The following EXOC4 variants were observed in gnomAD, a reference collection of about 807,000 sequenced individuals.
The protein encoded by EXOC4 is exocyst complex component 4, also known as SEC8-like 1.
EXOC4 carries 71 observed loss-of-function variants against 107.2 expected under a neutral mutation model. The ratio of observed to expected loss-of-function variants is 0.66; its 90% CI spans 0.55 to 0.81. EXOC4 has a LOEUF of 0.81. Ranked by LOEUF, EXOC4 falls within the 30% of genes least tolerant of loss-of-function variation. The pLI is 0.00. For synonymous variants in EXOC4, 456 were observed against 441.2 expected, an observed-to-expected ratio of 1.03 and a Z score of -0.42; for missense variants, 1,108 against 1,189.6, an observed-to-expected ratio of 0.93 and a Z score of 1.01.
intron 10 of EXOC4, among the ~76,000 whole-genome samples, chr7:133,635,330 G>C (rs1038200699): frequency 6.6e-6 from 1 of 152,104 alleles, no homozygotes; most frequent in Non-Finnish European, 1.5e-5. Context: ...TGTGGGATTT[G>C]TGGGGAGAAG....
chr7:133,253,192 G>C lies in EXOC4; in HGVS notation c.86+5G>C. ...GCTGCTCATCTCTGTGATCAGGTGA[G>C]GGAGGCAGGAGGCAGGGTCTGGGGA... is the stretch of plus-strand genomic sequence containing the variant. On this transcript the variant is annotated splice_donor_5th_base_variant and intron_variant, in intron 1 of 17. Coordinates refer to ENST00000253861, the MANE Select transcript of EXOC4 (RefSeq NM_021807.4). 1 of 1,613,768 alleles carries C rather than the reference G, an allele frequency of 6.2e-7. No individual in the cohort carries two copies. The highest frequency in any genetic ancestry group is 8.5e-7 in the Non-Finnish European group (1 of 1,179,742).
chr7:133,975,025 C>CT (rs3049805), intron 14 of EXOC4, among the ~76,000 whole-genome samples: 81,833 of 150,034 alleles, frequency 0.55, 23,527 homozygotes, highest in East Asian at 0.83. Context: ...ATTCCTATAC[C>CT]TTTTTTTTTT....
At chr7:133,370,072 G>A (rs563113761) in intron 6 of EXOC4, among the ~76,000 whole-genome samples, 10 of 151,888 alleles carry the variant, frequency 6.6e-5, no homozygotes, top group African/African-American at 1.9e-4. Flanking sequence ...GATTACAGGC[G>A]TGAGCCACTG....
At chr7:133,681,203 ATTGT>A (rs1220411356) in intron 10 of EXOC4, among the ~76,000 whole-genome samples, 1 of 152,218 alleles carries the variant, frequency 6.6e-6, no homozygotes, top group African/African-American at 2.4e-5. Flanking sequence ...GAAAAAAAGA[ATTGT>A]TTGTGCTGTT....
At chr7:133,991,627 A>G (rs1794262969) in intron 14 of EXOC4, among the ~76,000 whole-genome samples, 1 of 152,134 alleles carries the variant, frequency 6.6e-6, no homozygotes, top group South Asian at 2.1e-4. Flanking sequence ...TGACTTTTTT[A>G]ATAAGTTAAA....
chr7:133,816,064 A>T (rs1382811919), intron 10 of EXOC4, among the ~76,000 whole-genome samples: 2 of 152,198 alleles, frequency 1.3e-5, no homozygotes, highest in Non-Finnish European at 2.9e-5. Flanking sequence ...GCTAATAGAC[A>T]TTGGAAGAAG....
intron 9 of EXOC4, among the ~76,000 whole-genome samples, chr7:133,587,960 C>CA (rs1801445936): frequency 6.7e-6 from 1 of 149,906 alleles, no homozygotes; most frequent in East Asian, 1.9e-4. Context: ...AATTTCATCA[C>CA]AAAAAACATG....
chr7:133,299,440 A>G (rs1414590758), intron 3 of EXOC4, among the ~76,000 whole-genome samples: 2 of 152,194 alleles, frequency 1.3e-5, no homozygotes, highest in Admixed American at 6.5e-5. Context: ...TTAATAAAAT[A>G]TGGGAATTAT....
intron 9 of EXOC4, among the ~76,000 whole-genome samples, chr7:133,505,310 C>G (rs1231512527): frequency 6.6e-6 from 1 of 151,986 alleles, no homozygotes; most frequent in Non-Finnish European, 1.5e-5. Flanking sequence ...TTCCTGTGCC[C>G]TCCTGTCAGT....
chr7:134,074,936 C>T, the EXOC4 span, among the ~76,000 whole-genome samples: 3 of 152,090 alleles, frequency 2.0e-5, no homozygotes, highest in Non-Finnish European at 4.4e-5. Context: ...TCTTGAAAAA[C>T]AAGTGGAGCT....
At chr7:133,860,511 T>C (rs970527236) in intron 11 of EXOC4, among the ~76,000 whole-genome samples, 2 of 152,200 alleles carry the variant, frequency 1.3e-5, no homozygotes, top group Non-Finnish European at 2.9e-5. Flanking sequence ...GAAAGGACTA[T>C]GGAAAAGAAA....
intron 11 of EXOC4, among the ~76,000 whole-genome samples, chr7:133,822,580 T>G (rs1253658311): frequency 2.0e-5 from 3 of 152,234 alleles, no homozygotes; most frequent in Non-Finnish European, 1.5e-5. Context: ...TGCATTTGTA[T>G]AGAATCTCCA....
chr7:133,390,568 A>G (rs2150715563), intron 7 of EXOC4, among the ~76,000 whole-genome samples: 1 of 152,232 alleles, frequency 6.6e-6, no homozygotes, highest in South Asian at 2.1e-4. Flanking sequence ...AAGGGATTTG[A>G]TAGACTTGCC....
intron 10 of EXOC4, among the ~76,000 whole-genome samples, chr7:133,640,061 A>T (rs749382760): frequency 2.6e-5 from 4 of 152,174 alleles, no homozygotes; most frequent in Non-Finnish European, 4.4e-5. Context: ...AAATCTGTAC[A>T]CATATTTTTA....
chr7:133,896,703 G>C (rs1290285323), intron 12 of EXOC4, among the ~76,000 whole-genome samples: 5 of 149,128 alleles, frequency 3.4e-5, no homozygotes, highest in Admixed American at 6.6e-5. Context: ...GTCTCGCTCT[G>C]TTGCCAGGCT....
intron 9 of EXOC4, among the ~76,000 whole-genome samples, chr7:133,502,453 T>G (rs1799592864): frequency 1.3e-5 from 2 of 152,186 alleles, no homozygotes; most frequent in Non-Finnish European, 2.9e-5. Context: ...ATTTAAAATG[T>G]TTATATATGT....
the EXOC4 span, among the ~76,000 whole-genome samples, chr7:134,074,459 G>C: frequency 6.6e-6 from 1 of 151,956 alleles, no homozygotes; most frequent in Non-Finnish European, 1.5e-5. Flanking sequence ...CTAATTTTGG[G>C]TGGGGGGTTG....
chr7:133,326,886 C>T (rs1795257473), intron 5 of EXOC4, among the ~76,000 whole-genome samples: 1 of 152,224 alleles, frequency 6.6e-6, no homozygotes, highest in African/African-American at 2.4e-5. Flanking sequence ...CCTTTGTTTA[C>T]CTACTCAAGG....
At chr7:133,638,221 T>A (rs914634650) in intron 10 of EXOC4, among the ~76,000 whole-genome samples, 1 of 152,180 alleles carries the variant, frequency 6.6e-6, no homozygotes, top group Admixed American at 6.5e-5. Flanking sequence ...CAATGAGAAT[T>A]TTCAAATGAA....
Sources: allele counts gnomAD v4.1 joint callset (sites outside exome capture counted in the v4.1 genomes callset), GRCh38; gene constraint gnomAD v4.1.1; transcripts MANE v1.5; gene names NCBI Gene and HGNC (gene_info 2026-07-23, HGNC 2026-07-21).